The following ADCY5 variants were observed in gnomAD, a reference collection of about 807,000 sequenced individuals.
ADCY5 encodes adenylate cyclase type 5.
ADCY5 carries 30 observed loss-of-function variants against 119.7 expected under a neutral mutation model. The observed-to-expected ratio is 0.25, with a 90% CI of 0.19 to 0.34. The LOEUF (loss-of-function observed/expected upper bound fraction) is 0.34. ADCY5 is among the 10% of genes least tolerant of loss of function. The pLI, the probability that ADCY5 is intolerant of heterozygous loss-of-function variation, is 1.00. For synonymous variants in ADCY5, 753 were observed against 762.2 expected (o/e 0.99, Z 0.20); for missense variants, 1,324 against 1,775.2 (o/e 0.75, Z 4.57).
chr3:123,375,164 C>T (rs1270967698), intron 1 of ADCY5, among the ~76,000 whole-genome samples: 1 of 152,210 alleles, frequency 6.6e-6, no homozygotes, highest in East Asian at 1.9e-4. Context: ...GGAGAAAGGG[C>T]TGGGATCTGG....
At chr3:123,350,684 G>A (rs1246773835) in intron 2 of ADCY5, among the ~76,000 whole-genome samples, 2 of 152,224 alleles carry the variant, frequency 1.3e-5, no homozygotes, top group Non-Finnish European at 2.9e-5. Context: ...GCACCTGTCT[G>A]CAGAAAGCTT....
intron 1 of ADCY5, among the ~76,000 whole-genome samples, chr3:123,403,950 C>T (rs1398156172): frequency 2.0e-5 from 3 of 152,230 alleles, no homozygotes; most frequent in African/African-American, 7.2e-5. Context: ...GCCTTCCTTA[C>T]ATGCTATTCT....
At chr3:123,396,067 A>AGGGAGAGAGGGAGGGAGG (rs1944550137) in intron 1 of ADCY5, among the ~76,000 whole-genome samples, 1 of 36,680 alleles carries the variant, frequency 2.7e-5, no homozygotes, top group African/African-American at 1.1e-4. Flanking sequence ...GGAGGGTGGG[A>AGGGAGAGAGGGAGGGAGG]GGGAGAGGGA....
chr3:123,320,809 G>T, intron 8 of ADCY5, 38 bp from the exon 9 acceptor site: 1 of 1,477,936 alleles, frequency 6.8e-7, no homozygotes, highest in South Asian at 1.2e-5. Flanking sequence ...AGAAGAGAAT[G>T]AGAACAGAGA....
intron 4 of ADCY5, among the ~76,000 whole-genome samples, chr3:123,331,459 C>T (rs1024344624): frequency 1.3e-5 from 2 of 152,218 alleles, no homozygotes; most frequent in Non-Finnish European, 2.9e-5. Flanking sequence ...GTCTGATTCT[C>T]CTCCTTTTAC....
At chr3:123,418,065 C>G (rs1945223897) in intron 1 of ADCY5, among the ~76,000 whole-genome samples, 1 of 152,194 alleles carries the variant, frequency 6.6e-6, no homozygotes, top group African/African-American at 2.4e-5. Context: ...ATCAGCAGGT[C>G]TAAGTTACAG....
chr3:123,429,741 T>C (rs1383179890), intron 1 of ADCY5, among the ~76,000 whole-genome samples: 1 of 152,182 alleles, frequency 6.6e-6, no homozygotes, highest in Non-Finnish European at 1.5e-5. Context: ...GGGCTGCATA[T>C]GCACCATCAG....
At chr3:123,399,954 T>TGCACAACTA (rs1644134082) in intron 1 of ADCY5, among the ~76,000 whole-genome samples, 1 of 152,168 alleles carries the variant, frequency 6.6e-6, no homozygotes, top group South Asian at 2.1e-4. Context: ...CAAAGGCAGC[T>TGCACAACTA]GCACAACTAA....
chr3:123,382,099 C>T (rs1033075837), intron 1 of ADCY5, among the ~76,000 whole-genome samples: 4 of 152,190 alleles, frequency 2.6e-5, no homozygotes, highest in Non-Finnish European at 4.4e-5. Context: ...AGGCGGCAGG[C>T]ACATTCCCAC....
chr3:123,320,005 A>T (rs982227552), intron 9 of ADCY5, among the ~76,000 whole-genome samples, 187 bp from the exon 10 acceptor site: 5 of 152,236 alleles, frequency 3.3e-5, no homozygotes, highest in African/African-American at 1.2e-4. Context: ...AACTGCACAG[A>T]TGAACAGACA....
At chr3:123,361,631 G>A (rs1010796489) in intron 1 of ADCY5, among the ~76,000 whole-genome samples, 1 of 152,096 alleles carries the variant, frequency 6.6e-6, no homozygotes, top group Non-Finnish European at 1.5e-5. Flanking sequence ...TTCAAGGTTC[G>A]TCCACATGGT....
In ADCY5 at chr3:123,437,424, C is replaced by T. The variant is rs534084719; in HGVS notation, c.1134+9988G>A. On this transcript the variant is annotated intron_variant, in intron 1 of 20. Transcript: ENST00000462833. Reference sequence around the variant, plus strand: ...GGCTGGTATGAGTGAAAGGTACATGCCCAGGGGATATGGGCAGGGTGCTGA... The same window carrying T: ...GGCTGGTATGAGTGAAAGGTACATGTCCAGGGGATATGGGCAGGGTGCTGA... 2.0e-4 allele frequency among the ~76,000 whole-genome samples: 31 copies of T among 152,258 alleles called. No individual in the cohort carries two copies. The South Asian group carries it at 5.4e-3, about 26-fold the overall frequency.
intron 1 of ADCY5, among the ~76,000 whole-genome samples, chr3:123,425,428 T>C (rs1304260924): frequency 6.6e-6 from 1 of 152,192 alleles, no homozygotes; most frequent in Admixed American, 6.5e-5. Flanking sequence ...CAGAGCTCTC[T>C]CAGCACTGAG....
At chr3:123,326,479 G>A (rs934955116) in intron 7 of ADCY5, among the ~76,000 whole-genome samples, 3 of 152,144 alleles carry the variant, frequency 2.0e-5, no homozygotes, top group Non-Finnish European at 2.9e-5. Flanking sequence ...TTTTTGGACC[G>A]CTTGTCCAGC....
intron 1 of ADCY5, among the ~76,000 whole-genome samples, chr3:123,408,017 C>T (rs1343585980): frequency 6.6e-6 from 1 of 151,770 alleles, no homozygotes. Flanking sequence ...TTTTTTAAAG[C>T]GTGGTTTTTT....
intron 1 of ADCY5, among the ~76,000 whole-genome samples, chr3:123,414,910 T>C (rs184168936): frequency 1.2e-4 from 19 of 152,282 alleles, no homozygotes; most frequent in Admixed American, 3.3e-4. Context: ...ATGAGGAAAC[T>C]GGGGCCCTGA....
At chr3:123,412,234 G>A (rs1576678894) in intron 1 of ADCY5, among the ~76,000 whole-genome samples, 1 of 152,206 alleles carries the variant, frequency 6.6e-6, no homozygotes, top group Non-Finnish European at 1.5e-5. Context: ...GCCATGGCCT[G>A]GGGGCCCTGT....
intron 1 of ADCY5, among the ~76,000 whole-genome samples, chr3:123,365,146 T>C (rs886591433): frequency 2.0e-5 from 3 of 152,104 alleles, no homozygotes; most frequent in East Asian, 1.9e-4. Flanking sequence ...TTAGTAGAGA[T>C]AGGGTTTCAC....
intron 1 of ADCY5, among the ~76,000 whole-genome samples, chr3:123,420,601 G>C (rs1021421390): frequency 6.6e-6 from 1 of 152,154 alleles, no homozygotes; most frequent in South Asian, 2.1e-4. Flanking sequence ...CCAGAGGCTT[G>C]AGGCCAGCCA....
Sources: gnomAD v4.1 joint callset for allele counts (sites outside exome capture counted in the v4.1 genomes callset) on GRCh38, gnomAD v4.1.1 for gene constraint, MANE v1.5 for transcripts, NCBI Gene and HGNC (gene_info 2026-07-23, HGNC 2026-07-21) for gene names.